The following ZNF696 variants were observed in gnomAD, a reference collection of about 807,000 sequenced individuals.
ZNF696 encodes the protein zinc finger protein 696.
A neutral mutation model predicts 12.3 loss-of-function variants in ZNF696; 10 were observed. The observed-to-expected ratio is 0.81, with a 90% CI of 0.50 to 1.38. The LOEUF is 1.38. Among genes scored for constraint, ZNF696 ranks in the 40% most tolerant of loss-of-function variants. The pLI is 0.00. For synonymous variants in ZNF696, 304 were observed against 243.9 expected (o/e 1.25, Z -2.29); for missense variants, 675 against 554.7 (o/e 1.22, Z -2.18).
intron 2 of ZNF696, among the ~76,000 whole-genome samples, chr8:143,293,586 C>T (rs774042047): frequency 1.2e-4 from 18 of 152,176 alleles, no homozygotes; most frequent in Non-Finnish European, 1.8e-4. Flanking sequence ...CGGGAGATGG[C>T]GTGGGCAGTG....
rs1002685137 is a variant in ZNF696 at position 143,296,808 on chromosome 8, C to T, written c.*8C>T. On this transcript the variant is annotated 3_prime_UTR_variant, in exon 3 of 3. Transcript: ENST00000330143. ...GTGCATGGCGCCGAGTGAGCCGGGG[C>T]TGCGGCGGAAGAGATGCCGGCGGCC... 15 of 1,388,620 alleles carry T rather than the reference C, an allele frequency of 1.1e-5. No individual in the cohort carries two copies. The highest frequency in any genetic ancestry group is 1.4e-5 in the Non-Finnish European group (15 of 1,078,858). The allele number at this position is 1,388,620 out of a possible 1,614,324, so 86.0% of individuals were successfully genotyped here.
In ZNF696 at chr8:143,295,959, A is replaced by G. The variant is rs1405815303; in HGVS notation, c.284A>G (p.Lys95Arg). The G allele has an allele frequency of 2.5e-6, 4 of 1,575,628 alleles. No homozygotes were observed. Among genetic ancestry groups the G allele is most frequent in the Admixed American group, 1.8e-5 (1 of 54,848 alleles). The change falls in exon 3 of 3, where the codon AAA (lysine) becomes AGA (arginine). Residue 95 changes from lysine to arginine, a missense_variant. By Grantham distance (26) the Lys-to-Arg change is conservative. Transcript: ENST00000330143. ...GSPRGPVTSE[K>R]TGGQSGLESD... ...CCTCGAGGCCCGGTCACTTCTGAGA[A>G]AACTGGAGGACAGAGTGGCCTCGAG...
In ZNF696 at chr8:143,298,663, T is replaced by C. The variant is rs1239873328; in HGVS notation, c.*1863T>C. 2.6e-5 allele frequency among the ~76,000 whole-genome samples: 4 copies of C among 152,148 alleles called. No homozygotes were observed. Among genetic ancestry groups the C allele is most frequent in the Non-Finnish European group, 5.9e-5 (4 of 68,032 alleles). ...GTCATCATACAGGTGAGAGGATAGTTATGTGTGAGGTGTTCAAAGAAGTCG... is the reference window on the plus strand; with the variant it reads ...GTCATCATACAGGTGAGAGGATAGTCATGTGTGAGGTGTTCAAAGAAGTCG... On this transcript the variant is annotated 3_prime_UTR_variant, in exon 3 of 3. Coordinates refer to ENST00000330143, the MANE Select transcript of ZNF696 (RefSeq NM_030895.3).
rs1234578896 is a variant in ZNF696, at chr8:143,299,136, G to A, written c.*2336G>A. Among the ~76,000 whole-genome samples, 4 of 152,016 alleles carry A rather than the reference G, an allele frequency of 2.6e-5. No homozygotes were observed. Among genetic ancestry groups the A allele is most frequent in the Non-Finnish European group, 4.4e-5 (3 of 68,006 alleles). ...ATCACGCCATTGCACTCCAGCCTGG[G>A]CAAAAAGAGCAAAACTCCATCTTAA... On this transcript the variant is annotated 3_prime_UTR_variant, in exon 3 of 3. Coordinates refer to ENST00000330143, the MANE Select transcript of ZNF696 (RefSeq NM_030895.3).
Position 143,293,647 on chromosome 8 carries a change from G to A in ZNF696, c.64+582G>A, listed in dbSNP as rs142537258. On this transcript the variant is annotated intron_variant, in intron 2 of 2. Transcript: ENST00000330143. The stretch of plus-strand genomic sequence containing the variant: ...TGCCTCCATCGGAAAGGCGTCCTTG[G>A]GGCCTGCAGGCTGGATCCAGTAGAG... Among the ~76,000 whole-genome samples the A allele has an allele frequency of 4.2e-3, 638 of 152,288 alleles. 3 individuals carry two copies. The highest frequency in any genetic ancestry group is 0.014 in the African/African-American group (589 of 41,550).
At chr8:143,295,391 A>G in intron 2 of ZNF696, 1 of 572,402 alleles carries the variant, frequency 1.7e-6, no homozygotes. Flanking sequence ...ACAGGATCTC[A>G]CTATGTTGGC....
chr8:143,294,078 C>CAGCG (rs201441376), intron 2 of ZNF696, among the ~76,000 whole-genome samples: 15,474 of 152,290 alleles, frequency 0.1, 971 homozygotes, highest in African/African-American at 0.17. Flanking sequence ...GTGCTGGCCT[C>CAGCG]GTTGGCCCCC....
Position 143,296,767 on chromosome 8 carries a change from C to A in ZNF696, c.1092C>A (p.Leu364=). The A allele has an allele frequency of 6.9e-7, 1 of 1,452,260 alleles. No homozygotes were observed. The highest frequency in any genetic ancestry group is 9.0e-7 in the Non-Finnish European group (1 of 1,111,172). 90.0% of individuals were successfully genotyped at this position (1,452,260 alleles called of 1,614,324 possible). A position where few individuals can be genotyped will look rare whatever the true frequency, so the allele number is the denominator to read the frequency against. ...CGRAFRLSFH[L]IQHRRVHGAE ...GCGCCTTCCGCCTGAGCTTCCACCT[C>A]ATCCAGCACCGGCGGGTGCATGGCG... The change falls in exon 3 of 3, where the codon CTC becomes CTA. Residue 364 remains leucine (L), a synonymous_variant. Coordinates refer to ENST00000330143, the MANE Select transcript of ZNF696 (RefSeq NM_030895.3).
chr8:143,296,227 C>CAGCGGGGA lies in ZNF696; in HGVS notation c.552_553insAGCGGGGA (p.Glu185SerfsTer179). On this transcript the variant is annotated frameshift_variant, in exon 3 of 3. Transcript: ENST00000330143. LOFTEE classifies it high-confidence loss of function. ...GCGGGGAGAGGCCCTACGCGTGCGC[C>CAGCGGGGA]GAGTGCGGCAAGGCCTTCGGCCAGA... 1 of 1,595,104 alleles carries CAGCGGGGA rather than the reference C, an allele frequency of 6.3e-7. No homozygotes were observed. The highest frequency in any genetic ancestry group is 8.5e-7 in the Non-Finnish European group (1 of 1,175,038).
intron 2 of ZNF696, 156 bp from the exon 3 acceptor site, chr8:143,295,580 TAAAA>T (rs941977241): frequency 3.6e-6 from 3 of 825,934 alleles, no homozygotes; most frequent in Non-Finnish European, 5.6e-6. Context: ...AGAAAAAAAC[TAAAA>T]AAAACGAGGC....
chr8:143,291,881 C>A, intron 1 of ZNF696, 114 bp downstream of exon 1: 1 of 712,274 alleles, frequency 1.4e-6, no homozygotes, highest in Non-Finnish European at 1.7e-6. Flanking sequence ...TACTCCTGGG[C>A]TCAAGCGATC....
chr8:143,293,366 A>G (rs1815656880), intron 2 of ZNF696: 1 of 528,246 alleles, frequency 1.9e-6, no homozygotes, highest in Non-Finnish European at 3.3e-6. Flanking sequence ...GGAATGGACG[A>G]GTCTTTGTTG....
chr8:143,296,642 TG>T lies in ZNF696; in HGVS notation c.968del (p.Cys323SerfsTer38), dbSNP rs1563745318. ...RIHTGEKPHQCGHCGRAFRAL... is the reference protein window; with the variant it reads ...RIHTGEKPHQXGHCGRAFRAL... ...CCACACCGGGGAGAAGCCCCACCAGTGCGGCCACTGCGGGCGCGCGTTCCGG... is the reference window on the plus strand; with the variant it reads ...CCACACCGGGGAGAAGCCCCACCAGTCGGCCACTGCGGGCGCGCGTTCCGG... On this transcript the variant is annotated frameshift_variant, in exon 3 of 3. Coordinates refer to ENST00000330143, the MANE Select transcript of ZNF696 (RefSeq NM_030895.3). LOFTEE classifies it high-confidence loss of function. 6.3e-7 allele frequency: 1 copy of T among 1,582,434 alleles called. No individual in the cohort carries two copies. Among genetic ancestry groups the T allele is most frequent in the Admixed American group, 1.7e-5 (1 of 57,358 alleles).
intron 2 of ZNF696, among the ~76,000 whole-genome samples, chr8:143,294,528 G>A (rs1265636767): frequency 4.6e-5 from 7 of 151,954 alleles, no homozygotes; most frequent in Admixed American, 4.6e-4. Context: ...CTACAGGTGT[G>A]CACCACCACA....
intron 2 of ZNF696, chr8:143,295,501 C>G (rs1412639808): frequency 4.3e-6 from 3 of 692,822 alleles, no homozygotes; most frequent in Non-Finnish European, 7.9e-6. Context: ...CCCCACAGCC[C>G]CGTTTCTGGA....
intron 2 of ZNF696, among the ~76,000 whole-genome samples, chr8:143,295,122 C>G (rs1261058451): frequency 6.6e-6 from 1 of 152,136 alleles, no homozygotes; most frequent in Non-Finnish European, 1.5e-5. Flanking sequence ...CAGAGCTGGG[C>G]CGTGGGCTCT....
Position 143,297,592 on chromosome 8 carries a change from G to A in ZNF696, c.*792G>A, listed in dbSNP as rs1815742869. On this transcript the variant is annotated 3_prime_UTR_variant, in exon 3 of 3. Transcript: ENST00000330143. ...TTGAACCTGGGAGGCGGAGGTTGCA[G>A]TGAGCGGAGATCTGGGCACTGTACT... The A allele has an allele frequency of 6.6e-6, 1 of 152,302 alleles. No individual in the cohort carries two copies. The highest frequency in any genetic ancestry group is 1.5e-5 in the Non-Finnish European group (1 of 68,092). 9.4% of individuals were successfully genotyped at this position (152,302 alleles called of 1,614,324 possible). A position where few individuals can be genotyped will look rare whatever the true frequency, so the allele number is the denominator to read the frequency against.
rs191612646 is a variant in ZNF696, at chr8:143,299,333, G to C, written c.*2533G>C. Among the ~76,000 whole-genome samples the C allele has an allele frequency of 5.2e-4, 79 of 152,288 alleles. No individual in the cohort carries two copies. The highest frequency in any genetic ancestry group is 1.9e-3 in the African/African-American group (77 of 41,548). ...ATTAGAAGGGACAGAAATGTTCTAA[G>C]ACCCTCCGGTTGTTGGGAAGAGGGT... On this transcript the variant is annotated 3_prime_UTR_variant, in exon 3 of 3. Transcript: ENST00000330143.
In ZNF696 at chr8:143,291,642, T is replaced by G; in HGVS notation, c.-156T>G. 1 of 985,494 alleles carries G rather than the reference T, an allele frequency of 1.0e-6. No individual in the cohort carries two copies. The highest frequency in any genetic ancestry group is 4.7e-5 in the South Asian group (1 of 21,290). 61.0% of individuals were successfully genotyped at this position (985,494 alleles called of 1,614,324 possible). ...ACCCGGGGTCCGACACGTGCGGGGC[T>G]TCCTGCGAGCTGAGTCCCCGCTGCG... On this transcript the variant is annotated 5_prime_UTR_variant, in exon 1 of 3. Transcript: ENST00000330143.
Sources: allele counts gnomAD v4.1 joint callset (sites outside exome capture counted in the v4.1 genomes callset), GRCh38; gene constraint gnomAD v4.1.1; transcripts MANE v1.5; gene names NCBI Gene and HGNC (gene_info 2026-07-23, HGNC 2026-07-21).